Variants in OLFM1 observed in about 807,000 individuals in gnomAD.
OLFM1 encodes olfactomedin 1.
Under a neutral mutation model 49.7 loss-of-function variants are expected in OLFM1, and 9 were observed. The ratio of observed to expected loss-of-function variants is 0.18; its 90% CI spans 0.11 to 0.32. The LOEUF is 0.32. OLFM1 is among the 10% of genes least tolerant of loss of function. OLFM1 has a pLI of 1.00. For synonymous variants in OLFM1, 240 were observed against 271.8 expected (o/e 0.88, Z 1.15); for missense variants, 369 against 661.8 (o/e 0.56, Z 4.85).
chr9:135,096,228 C>T, intron 3 of OLFM1, among the ~76,000 whole-genome samples: 1 of 128,182 alleles, frequency 7.8e-6, no homozygotes, highest in Non-Finnish European at 1.7e-5. Context: ...TTCCTCCTCC[C>T]TCTCCTTCTT....
At chr9:135,118,448 C>G (rs1040751619) in intron 5 of OLFM1, among the ~76,000 whole-genome samples, 3 of 143,724 alleles carry the variant, frequency 2.1e-5, no homozygotes, top group Non-Finnish European at 3.0e-5. Flanking sequence ...GGAGTGCTCA[C>G]CAGGTCTTTA....
chr9:135,118,412 GTCTTTGGAGTGCTCGCTGT>G (rs1336441463), intron 5 of OLFM1, among the ~76,000 whole-genome samples: 28 of 123,876 alleles, frequency 2.3e-4, no homozygotes, highest in African/African-American at 1.3e-4. Flanking sequence ...TGCTCGCTGT[GTCTTTGGAGTGCTCGCTGT>G]GTCTTTGGAG....
At position 135,098,375 on chromosome 9, in the gene OLFM1, AGAG is replaced by A; in HGVS notation, c.551_553del (p.Glu184del). On this transcript the variant is annotated inframe_deletion, in exon 4 of 6. Coordinates refer to ENST00000371793, the MANE Select transcript of OLFM1 (RefSeq NM_001282611.2). The surrounding 1 kb of genome is among the most constrained non-coding windows in gnomAD (Gnocchi z 5.6). ...ATGCCAAATTGGTATTGCAGTTTAA[AGAG>A]GAGGTCCAGAATCTGACGTCAGTGC... 6.2e-7 allele frequency: 1 copy of A among 1,613,972 alleles called. No individual in the cohort carries two copies. Among genetic ancestry groups the A allele is most frequent in the Non-Finnish European group, 8.5e-7 (1 of 1,180,046 alleles).
In OLFM1 at chr9:135,090,231, T is replaced by A; in HGVS notation, c.187T>A (p.Tyr63Asn). 6.2e-7 allele frequency: 1 copy of A among 1,613,858 alleles called. No homozygotes were observed. The change falls in exon 2 of 6, where the codon TAC becomes AAC. Residue 63 changes from tyrosine to asparagine, a missense_variant. Tyr to Asn is a moderately radical substitution (Grantham distance 143). Around this residue, in one of 3 missense-constraint regions of OLFM1, gnomAD observed 55 missense variants for 53.3 expected, o/e 1.03. Transcript: ENST00000371793. ...PTNPEESWQV[Y>N]SSAQDSEGRC... is the part of the protein sequence containing the mutation. ...CAACCCTGAGGAGAGCTGGCAGGTGTACAGCTCTGCCCAGGACAGCGAGGG... is the reference window on the plus strand; with the variant it reads ...CAACCCTGAGGAGAGCTGGCAGGTGAACAGCTCTGCCCAGGACAGCGAGGG...
At position 135,117,581 on chromosome 9, in the gene OLFM1, G is replaced by T. The variant is rs927675102; in HGVS notation, c.784-1923G>T. 2.6e-5 allele frequency among the ~76,000 whole-genome samples: 4 copies of T among 152,230 alleles called. No individual in the cohort carries two copies. Among genetic ancestry groups the T allele is most frequent in the African/African-American group, 9.7e-5 (4 of 41,450 alleles). Reference sequence around the variant, plus strand: ...CATTTGCCCTCGGCTAGGCCAGGTGGCTGTGCCCCTTCGAAGGCCCCCTTC... The same window carrying T: ...CATTTGCCCTCGGCTAGGCCAGGTGTCTGTGCCCCTTCGAAGGCCCCCTTC... On this transcript the variant is annotated intron_variant, in intron 5 of 5. Transcript: ENST00000371793. The surrounding 1 kb of genome is among the most constrained non-coding windows in gnomAD (Gnocchi z 5.5).
At chr9:135,097,769 T>A in intron 3 of OLFM1, 1 of 1,611,550 alleles carries the variant, frequency 6.2e-7, no homozygotes, top group Non-Finnish European at 8.5e-7. Flanking sequence ...TATTTCATTT[T>A]CTTACTTGCA....
At position 135,087,846 on chromosome 9, in the gene OLFM1, C is replaced by G. The variant is rs1830620952; in HGVS notation, c.-144C>G. On this transcript the variant is annotated 5_prime_UTR_variant, in exon 1 of 6. Coordinates refer to ENST00000371793, the MANE Select transcript of OLFM1 (RefSeq NM_001282611.2). ...GCCGGGGCGCGCGGGGCGGCGGCGG[C>G]GGCGGGCGGGCGGCGGCGGGCCGAG... 1.1e-6 allele frequency: 1 copy of G among 942,258 alleles called. No individual in the cohort carries two copies. Among genetic ancestry groups the G allele is most frequent in the Non-Finnish European group, 1.3e-6 (1 of 793,712 alleles). 58.4% of individuals were successfully genotyped at this position (942,258 alleles called of 1,614,324 possible). A position where few individuals can be genotyped will look rare whatever the true frequency, so the allele number is the denominator to read the frequency against.
chr9:135,088,555 C>A lies in OLFM1; in HGVS notation c.150+416C>A, dbSNP rs1213516387. On this transcript the variant is annotated intron_variant, in intron 1 of 5. Transcript: ENST00000371793. This position sits in a 1 kb window ranked among gnomAD's most constrained non-coding sequence, Gnocchi z 4.8. ...AGTGAGGGGTGGAGCCGCCGCTAGA[C>A]CCTAGTCTGGGCTCGGTCCAGCGGG... 1.3e-5 allele frequency among the ~76,000 whole-genome samples: 2 copies of A among 152,100 alleles called. No homozygotes were observed. The highest frequency in any genetic ancestry group is 2.4e-5 in the African/African-American group (1 of 41,434).
Position 135,120,308 on chromosome 9 carries a change from C to T in OLFM1, c.*130C>T. On this transcript the variant is annotated 3_prime_UTR_variant, in exon 6 of 6. Coordinates refer to ENST00000371793, the MANE Select transcript of OLFM1 (RefSeq NM_001282611.2). Reference sequence around the variant, plus strand: ...AAATCATCAGCAGTGCGGATTCTGACATCGAGGGATGGCATTACCTCCGTG... The same window carrying T: ...AAATCATCAGCAGTGCGGATTCTGATATCGAGGGATGGCATTACCTCCGTG... 1.2e-6 allele frequency: 1 copy of T among 801,140 alleles called. No homozygotes were observed. Among genetic ancestry groups the T allele is most frequent in the Non-Finnish European group, 1.9e-6 (1 of 518,462 alleles). The allele number at this position is 801,140 out of a possible 1,614,324, so 49.6% of individuals were successfully genotyped here. A position where few individuals can be genotyped will look rare whatever the true frequency, so the allele number is the denominator to read the frequency against.
In OLFM1 at chr9:135,119,797, G is replaced by T; in HGVS notation, c.1077G>T (p.Val359=). Residue 359 remains valine (V), a synonymous_variant, in exon 6 of 6, where the codon GTG becomes GTT. Coordinates refer to ENST00000371793, the MANE Select transcript of OLFM1 (RefSeq NM_001282611.2). Reference sequence around the variant, plus strand: ...GCCACTCGGACATCGACCTCATGGTGGACGAGAGCGGGCTGTGGGCCGTGT... The same window carrying T: ...GCCACTCGGACATCGACCTCATGGTTGACGAGAGCGGGCTGTGGGCCGTGT... ...WGGHSDIDLM[V]DESGLWAVYA... 1 of 1,613,960 alleles carries T rather than the reference G, an allele frequency of 6.2e-7. No individual in the cohort carries two copies. Among genetic ancestry groups the T allele is most frequent in the Non-Finnish European group, 8.5e-7 (1 of 1,180,032 alleles).
chr9:135,084,752 G>C (rs1014484707), upstream of OLFM1, among the ~76,000 whole-genome samples: 2 of 152,142 alleles, frequency 1.3e-5, no homozygotes, highest in Non-Finnish European at 2.9e-5. This position sits in a 1 kb window ranked among gnomAD's most constrained non-coding sequence, Gnocchi z 4.6. Flanking sequence ...CTTTGCCAAG[G>C]AGCATCGGGA....
chr9:135,104,538 A>C (rs1830912990), intron 4 of OLFM1, among the ~76,000 whole-genome samples: 2 of 151,666 alleles, frequency 1.3e-5, no homozygotes, highest in African/African-American at 4.8e-5. Context: ...GCGCTGCTGG[A>C]TGGAAACCCA....
intron 1 of OLFM1, among the ~76,000 whole-genome samples, chr9:135,077,866 G>C (rs940504067): frequency 3.9e-5 from 6 of 152,240 alleles, no homozygotes; most frequent in African/African-American, 1.2e-4. Context: ...GCCTCAGCAG[G>C]TGAAATCACG....
intron 4 of OLFM1, among the ~76,000 whole-genome samples, chr9:135,100,172 G>C (rs993128532): frequency 6.6e-6 from 1 of 152,202 alleles, no homozygotes; most frequent in Non-Finnish European, 1.5e-5. Context: ...GAGAAACCCA[G>C]AGAAAACCTC....
At position 135,117,812 on chromosome 9, in the gene OLFM1, C is replaced by T. The variant is rs966498369; in HGVS notation, c.784-1692C>T. ...CGCCTGTGTGCTCCCATCCCACCTT[C>T]CTGCTAGATTCTTTCTTCAAACTGG... On this transcript the variant is annotated intron_variant, in intron 5 of 5. Coordinates refer to ENST00000371793, the MANE Select transcript of OLFM1 (RefSeq NM_001282611.2). This position sits in a 1 kb window ranked among gnomAD's most constrained non-coding sequence, Gnocchi z 5.5. 1.3e-5 allele frequency among the ~76,000 whole-genome samples: 2 copies of T among 152,240 alleles called. No individual in the cohort carries two copies. Among genetic ancestry groups the T allele is most frequent in the Non-Finnish European group, 2.9e-5 (2 of 68,052 alleles).
chr9:135,091,933 A>G (rs1830722373), intron 2 of OLFM1, among the ~76,000 whole-genome samples: 1 of 152,026 alleles, frequency 6.6e-6, no homozygotes, highest in East Asian at 1.9e-4. Context: ...ACGTTCACAC[A>G]CACACAATAG....
At chr9:135,077,677 C>T (rs1420615826) in intron 1 of OLFM1, among the ~76,000 whole-genome samples, 3 of 152,174 alleles carry the variant, frequency 2.0e-5, no homozygotes, top group African/African-American at 7.2e-5. Context: ...TGGCATGTTC[C>T]TCTCTCTGAA....
intron 5 of OLFM1, among the ~76,000 whole-genome samples, chr9:135,118,004 G>A (rs1215481988): frequency 6.6e-6 from 1 of 152,200 alleles, no homozygotes; most frequent in African/African-American, 2.4e-5. Flanking sequence ...GTAGGACGTG[G>A]CACCCTTTGG....
rs1009178546 is a variant in OLFM1 at position 135,088,699 on chromosome 9, C to T, written c.150+560C>T. 2.6e-5 allele frequency among the ~76,000 whole-genome samples: 4 copies of T among 152,198 alleles called. No homozygotes were observed. Among genetic ancestry groups the T allele is most frequent in the Non-Finnish European group, 4.4e-5 (3 of 68,028 alleles). On this transcript the variant is annotated intron_variant, in intron 1 of 5. Coordinates refer to ENST00000371793, the MANE Select transcript of OLFM1 (RefSeq NM_001282611.2). The surrounding 1 kb of genome is among the most constrained non-coding windows in gnomAD (Gnocchi z 4.8). ...CTGCATTCCCAAAGTCCCAAGGCGCCCTTTCCTCCCCAGTCCATAGGAGGG... is the reference window on the plus strand; with the variant it reads ...CTGCATTCCCAAAGTCCCAAGGCGCTCTTTCCTCCCCAGTCCATAGGAGGG...
Sources: gnomAD v4.1 joint callset for allele counts (sites outside exome capture counted in the v4.1 genomes callset) on GRCh38, gnomAD v4.1.1 for gene constraint, gnomAD v4.1.1 regional missense constraint, Gnocchi (gnomAD v3.1) non-coding constraint, MANE v1.5 for transcripts, NCBI Gene and HGNC (gene_info 2026-07-23, HGNC 2026-07-21) for gene names.